MPP7: variants seen among roughly 807,000 people sequenced by gnomAD.
MPP7 encodes MAGUK p55 scaffold protein 7, also known as MAGUK p55 subfamily member 7.
MPP7 carries 60 observed loss-of-function variants against 76.5 expected under a neutral mutation model. The observed-to-expected ratio is 0.78, with a 90% CI of 0.64 to 0.97. The LOEUF (loss-of-function observed/expected upper bound fraction) is 0.97. Among genes scored for constraint, MPP7 ranks in the 50% least tolerant of loss-of-function variants. MPP7 has a pLI of 0.00. For synonymous variants in MPP7, 237 were observed against 244.5 expected (o/e 0.97, Z 0.29); for missense variants, 641 against 694.0 (o/e 0.92, Z 0.86).
chr10:28,140,480 C>G (rs1835480710), intron 5 of MPP7, among the ~76,000 whole-genome samples: 1 of 151,516 alleles, frequency 6.6e-6, no homozygotes, highest in Non-Finnish European at 1.5e-5. Flanking sequence ...CACTGTACGT[C>G]AGCCTGGGCG....
At chr10:28,228,052 C>CA (rs1838755632) in intron 2 of MPP7, among the ~76,000 whole-genome samples, 1 of 152,072 alleles carries the variant, frequency 6.6e-6, no homozygotes, top group African/African-American at 2.4e-5. Context: ...ATTTGCTCTG[C>CA]AAAGAAACCG....
In MPP7 at chr10:28,056,557, C is replaced by T; in HGVS notation, c.1474G>A (p.Glu492Lys). 6.2e-7 allele frequency: 1 copy of T among 1,612,410 alleles called. No homozygotes were observed. The highest frequency in any genetic ancestry group is 8.5e-7 in the Non-Finnish European group (1 of 1,179,650). ...TTTTTTCTTGTTTCTCTCAAACGCT[C>T]TATTGATGGAGGCTTTATAAATATC... Reference protein sequence around the residue: ...YVIFIKPPSIERLRETRKNAK... With the variant: ...YVIFIKPPSIKRLRETRKNAK... Residue 492 changes from glutamate (E) to lysine (K), a missense_variant, in exon 16 of 17, where the codon GAG (glutamate) becomes AAG (lysine). Transcript: ENST00000683449.
chr10:28,225,048 AG>A (rs1284299262), intron 2 of MPP7, among the ~76,000 whole-genome samples: 1 of 152,150 alleles, frequency 6.6e-6, no homozygotes, highest in Admixed American at 6.5e-5. Context: ...AGTGCTTCCC[AG>A]GATAAAAACT....
At chr10:28,329,259 T>C (rs955589378) in intron 2 of MPP7, among the ~76,000 whole-genome samples, 3 of 152,244 alleles carry the variant, frequency 2.0e-5, no homozygotes, top group African/African-American at 7.2e-5. Context: ...TGGTTTGTTG[T>C]TGTAACTGAG....
At chr10:28,286,310 T>TA (rs1428863188) in intron 1 of MPP7, among the ~76,000 whole-genome samples, 1 of 151,740 alleles carries the variant, frequency 6.6e-6, no homozygotes, top group Non-Finnish European at 1.5e-5. Context: ...CACGCCACTG[T>TA]ACTCCAGCCT....
At chr10:28,319,961 CAA>C (rs5784051) in intron 2 of MPP7, among the ~76,000 whole-genome samples, 1 of 151,270 alleles carries the variant, frequency 6.6e-6, no homozygotes, top group Non-Finnish European at 1.5e-5. Context: ...CTCTCAAAAA[CAA>C]AAAAAAATAC....
At chr10:28,282,068 C>T (rs901683221) in intron 1 of MPP7, 1 of 152,058 alleles carries the variant, frequency 6.6e-6, no homozygotes, top group African/African-American at 2.4e-5. Context: ...TTGTTCAAAG[C>T]CTAGGAGAAC....
chr10:28,300,754 C>A (rs1483866125), intron 1 of MPP7, among the ~76,000 whole-genome samples: 1 of 151,580 alleles, frequency 6.6e-6, no homozygotes, highest in Non-Finnish European at 1.5e-5. Context: ...GAGTTCGAGA[C>A]CAGCCTGGCC....
intron 2 of MPP7, among the ~76,000 whole-genome samples, chr10:28,326,857 A>G (rs749285479): frequency 6.6e-6 from 1 of 152,204 alleles, no homozygotes; most frequent in Non-Finnish European, 1.5e-5. Flanking sequence ...TGTCTGCTGC[A>G]CTGATATTCT....
intron 5 of MPP7, among the ~76,000 whole-genome samples, chr10:28,142,080 T>G (rs1327681485): frequency 1.3e-5 from 2 of 151,878 alleles, no homozygotes. Context: ...CAAAAGAAAA[T>G]AGGAAAGACA....
chr10:28,299,399 T>C (rs7901835), intron 1 of MPP7, among the ~76,000 whole-genome samples: 14,168 of 152,120 alleles, frequency 0.093, 1,311 homozygotes, highest in East Asian at 0.48. Flanking sequence ...GGTGGAGATA[T>C]CAGAACATAT....
chr10:28,324,181 A>G (rs572832716), intron 2 of MPP7, among the ~76,000 whole-genome samples: 64 of 152,230 alleles, frequency 4.2e-4, no homozygotes, highest in African/African-American at 1.4e-3. Flanking sequence ...GAATGGGATT[A>G]GTCCTGTAGT....
rs1834314846 is a variant in MPP7 at position 28,315,797 on chromosome 10, CG to C, written c.-132+14131del. On this transcript the variant is annotated intron_variant, in intron 2 of 11. Transcript: ENST00000441595. ...AAGAGTATAACACAGAAAGGTGGGGCGGGGAGAGTAACTTTACAGTGGAAAA... is the reference window on the plus strand; with the variant it reads ...AAGAGTATAACACAGAAAGGTGGGGCGGGAGAGTAACTTTACAGTGGAAAA... Among the ~76,000 whole-genome samples, 21 of 152,168 alleles carry C rather than the reference CG, an allele frequency of 1.4e-4. No individual in the cohort carries two copies. In the South Asian group the frequency reaches 4.4e-3, roughly 32 times the overall value.
chr10:28,104,846 C>G (rs573584562), intron 11 of MPP7, among the ~76,000 whole-genome samples: 3 of 152,130 alleles, frequency 2.0e-5, no homozygotes, highest in Non-Finnish European at 4.4e-5. Context: ...GGTGCACTAA[C>G]CTTGTGGTTG....
intron 13 of MPP7, among the ~76,000 whole-genome samples, chr10:28,060,694 T>C (rs2255018): frequency 0.47 from 70,759 of 152,090 alleles, 17,024 homozygotes; most frequent in Middle Eastern, 0.63. Flanking sequence ...GAAAAAGTCC[T>C]TGTGGGCTGT....
intron 11 of MPP7, among the ~76,000 whole-genome samples, chr10:28,094,241 T>C (rs1853456457): frequency 6.6e-6 from 1 of 152,056 alleles, no homozygotes; most frequent in South Asian, 2.1e-4. Flanking sequence ...TCACACAGGT[T>C]ATGAAGCTTT....
intron 12 of MPP7, among the ~76,000 whole-genome samples, chr10:28,080,800 T>G (rs1476958918): frequency 2.0e-5 from 3 of 152,216 alleles, no homozygotes; most frequent in African/African-American, 7.2e-5. Context: ...TCCATCACAT[T>G]CTCAGGAATT....
At chr10:28,273,020 G>A (rs1339514481) in intron 1 of MPP7, among the ~76,000 whole-genome samples, 9 of 152,046 alleles carry the variant, frequency 5.9e-5, no homozygotes, top group African/African-American at 1.9e-4. Context: ...GGGTTCAAGC[G>A]ATTCTCCTGC....
chr10:28,094,284 A>T (rs1008658756), intron 11 of MPP7, among the ~76,000 whole-genome samples: 2 of 151,174 alleles, frequency 1.3e-5, no homozygotes, highest in African/African-American at 2.5e-5. Context: ...AATGCAAAGG[A>T]GCAAAGGCAG....
Sources: allele counts gnomAD v4.1 joint callset (sites outside exome capture counted in the v4.1 genomes callset), GRCh38; gene constraint gnomAD v4.1.1; transcripts MANE v1.5; gene names NCBI Gene and HGNC (gene_info 2026-07-23, HGNC 2026-07-21).